TRIO: variants seen among roughly 807,000 people sequenced by gnomAD.
TRIO encodes triple functional domain protein.
A neutral mutation model predicts 351.9 loss-of-function variants in TRIO; 58 were observed. That is an observed-to-expected ratio of 0.16 (90% confidence interval 0.13 to 0.21). The LOEUF (loss-of-function observed/expected upper bound fraction) is 0.21. Among genes scored for constraint, TRIO ranks in the 10% least tolerant of loss-of-function variants. The pLI is 1.00. For missense variants in TRIO, 3,201 were observed against 4,027.8 expected (o/e 0.79, Z 5.56); for synonymous variants, 1,758 against 1,595.7 (o/e 1.10, Z -2.42).
intron 1 of TRIO, among the ~76,000 whole-genome samples, chr5:14,168,945 G>A (rs1205156705): frequency 1.3e-5 from 2 of 152,226 alleles, no homozygotes; most frequent in Non-Finnish European, 2.9e-5. Context: ...TGGGAAGAGA[G>A]CTGTGAAACA....
In TRIO at chr5:14,297,282, C is replaced by T; in HGVS notation, c.1368+19C>T. 2 of 1,608,504 alleles carry T rather than the reference C, an allele frequency of 1.2e-6. No homozygotes were observed. Among genetic ancestry groups the T allele is most frequent in the Non-Finnish European group, 1.7e-6 (2 of 1,176,890 alleles). The stretch of plus-strand genomic sequence containing the variant: ...CGAAAAGGTCAGTGCCTTGAACCCC[C>T]AGCCCACGAGGTGGTAACCAGAATA... On this transcript the variant is annotated intron_variant, in intron 7 of 56. Transcript: ENST00000344204.
At chr5:14,440,515 G>A (rs1751941613) in intron 34 of TRIO, among the ~76,000 whole-genome samples, 1 of 152,206 alleles carries the variant, frequency 6.6e-6, no homozygotes. Context: ...AATTTCCAAG[G>A]AAGACAAGAA....
intron 33 of TRIO, among the ~76,000 whole-genome samples, chr5:14,414,099 G>A (rs1431358981): frequency 2.0e-5 from 3 of 152,212 alleles, no homozygotes; most frequent in African/African-American, 2.4e-5. Flanking sequence ...GAAGTTTCTT[G>A]CTTTCCAGAG....
In TRIO at chr5:14,477,061, G is replaced by T. The variant is rs1755135946; in HGVS notation, c.6153+98G>T. On this transcript the variant is annotated intron_variant, in intron 41 of 56. Transcript: ENST00000344204. ...GAGAACTCACTTATACTTTATGTAAGTGCGTATGTTTAAGATAAAATCAAA... is the reference window on the plus strand; with the variant it reads ...GAGAACTCACTTATACTTTATGTAATTGCGTATGTTTAAGATAAAATCAAA... 6 of 1,039,734 alleles carry T rather than the reference G, an allele frequency of 5.8e-6. No homozygotes were observed. In the Admixed American group the frequency reaches 1.4e-4, roughly 25 times the overall value. The allele number at this position is 1,039,734 out of a possible 1,614,324, so 64.4% of individuals were successfully genotyped here.
chr5:14,308,719 G>A (rs923333054), intron 8 of TRIO, among the ~76,000 whole-genome samples: 1 of 124,988 alleles, frequency 8.0e-6, no homozygotes, highest in Non-Finnish European at 1.6e-5. Context: ...CCATTCATTT[G>A]TCCATCCATC....
At chr5:14,369,939 C>T (rs1035936686) in intron 18 of TRIO, among the ~76,000 whole-genome samples, 18 of 152,224 alleles carry the variant, frequency 1.2e-4, no homozygotes, top group African/African-American at 4.1e-4. Flanking sequence ...GGTGTAAGCA[C>T]GGCATGGAGT....
intron 47 of TRIO, among the ~76,000 whole-genome samples, 166 bp downstream of exon 47, chr5:14,485,412 G>A (rs1755844987): frequency 6.6e-6 from 1 of 152,178 alleles, no homozygotes; most frequent in East Asian, 1.9e-4. Context: ...ACCACCCTGT[G>A]TGGCCAGTAC....
chr5:14,469,864 CA>C (rs1184921155), intron 37 of TRIO, among the ~76,000 whole-genome samples: 1 of 152,254 alleles, frequency 6.6e-6, no homozygotes, highest in Non-Finnish European at 1.5e-5. Flanking sequence ...TCTGCAGCAT[CA>C]GGGGCATCTG....
chr5:14,226,271 GGT>G (rs1793020729), intron 1 of TRIO, among the ~76,000 whole-genome samples: 1 of 151,824 alleles, frequency 6.6e-6, no homozygotes. Flanking sequence ...CTGTCTGATT[GGT>G]GTCACCAGGT....
intron 1 of TRIO, among the ~76,000 whole-genome samples, chr5:14,202,005 T>C (rs1467723330): frequency 6.7e-6 from 1 of 149,624 alleles, no homozygotes; most frequent in Non-Finnish European, 1.5e-5. Flanking sequence ...CATTAGGAGA[T>C]ATACCTAATG....
chr5:14,403,437 T>TGAG (rs1489191009), intron 31 of TRIO, among the ~76,000 whole-genome samples: 1 of 74,714 alleles, frequency 1.3e-5, no homozygotes, highest in Non-Finnish European at 2.4e-5. Flanking sequence ...GTGTAGGTTG[T>TGAG]GGTGAGGGTG....
chr5:14,175,737 T>C (rs955140302), intron 1 of TRIO, among the ~76,000 whole-genome samples: 3 of 152,238 alleles, frequency 2.0e-5, no homozygotes, highest in South Asian at 2.1e-4. Context: ...TGTACAATAA[T>C]GTAGCCTATT....
intron 31 of TRIO, among the ~76,000 whole-genome samples, chr5:14,401,280 C>A (rs1748047338): frequency 6.6e-6 from 1 of 152,186 alleles, no homozygotes; most frequent in Non-Finnish European, 1.5e-5. Flanking sequence ...TCACTTGACT[C>A]CTGAAAGGGC....
chr5:14,414,058 C>G (rs993457303), intron 33 of TRIO, among the ~76,000 whole-genome samples: 1 of 152,168 alleles, frequency 6.6e-6, no homozygotes, highest in African/African-American at 2.4e-5. Context: ...GAAATACAGC[C>G]AACAGGTTTC....
At chr5:14,495,197 G>T (rs1355757180) in intron 49 of TRIO, among the ~76,000 whole-genome samples, 1 of 152,206 alleles carries the variant, frequency 6.6e-6, no homozygotes, top group Non-Finnish European at 1.5e-5. Context: ...GATCAGAAAT[G>T]GAGCCTGAAA....
Position 14,507,920 on chromosome 5 carries a change from C to T in TRIO, c.8792C>T (p.Thr2931Ile). ...GTGGATGAGAGTTTAGCCAAGCCAACCATCAAACTGGCTGACTTTGGAGAT... is the reference window on the plus strand; with the variant it reads ...GTGGATGAGAGTTTAGCCAAGCCAATCATCAAACTGGCTGACTTTGGAGAT... ...ILVDESLAKPTIKLADFGDAV... is the reference protein window; with the variant it reads ...ILVDESLAKPIIKLADFGDAV... The change falls in exon 57 of 57, where the codon ACC (threonine) becomes ATC (isoleucine). Residue 2931 changes from threonine to isoleucine, a missense_variant. Thr to Ile is a moderately conservative substitution (Grantham distance 89). Transcript: ENST00000344204. 1 of 1,614,112 alleles carries T rather than the reference C, an allele frequency of 6.2e-7. No homozygotes were observed. Among genetic ancestry groups the T allele is most frequent in the Non-Finnish European group, 8.5e-7 (1 of 1,180,010 alleles).
At chr5:14,317,848 C>G (rs1739503881) in intron 9 of TRIO, among the ~76,000 whole-genome samples, 1 of 151,942 alleles carries the variant, frequency 6.6e-6, no homozygotes. Flanking sequence ...AAAATCAGGC[C>G]AGGCGAGGTA....
At chr5:14,247,974 A>C (rs886222249) in intron 1 of TRIO, among the ~76,000 whole-genome samples, 1 of 151,788 alleles carries the variant, frequency 6.6e-6, no homozygotes, top group Non-Finnish European at 1.5e-5. Context: ...GCTGAGGCAG[A>C]AGAATGGCTT....
intron 1 of TRIO, among the ~76,000 whole-genome samples, chr5:14,227,397 C>T (rs1299334613): frequency 6.6e-6 from 1 of 152,210 alleles, no homozygotes; most frequent in Non-Finnish European, 1.5e-5. Flanking sequence ...CCTTGGGTAG[C>T]TTGTTGGTTA....
Sources: allele counts gnomAD v4.1 joint callset (sites outside exome capture counted in the v4.1 genomes callset), GRCh38; gene constraint gnomAD v4.1.1; transcripts MANE v1.5; gene names NCBI Gene and HGNC (gene_info 2026-07-23, HGNC 2026-07-21).